NUP153: variants seen among roughly 807,000 people sequenced by gnomAD.
NUP153 encodes the protein nucleoporin 153, also known as nuclear pore complex protein Nup153.
NUP153 carries 27 observed loss-of-function variants against 134.6 expected under a neutral mutation model. The observed-to-expected ratio is 0.20, with a 90% CI of 0.15 to 0.28. NUP153 has a LOEUF of 0.28. Among genes scored for constraint, NUP153 ranks in the 10% least tolerant of loss-of-function variants. The pLI is 1.00. For synonymous variants in NUP153, 640 were observed against 623.5 expected (o/e 1.03, Z -0.40); for missense variants, 1,821 against 1,731.3 (o/e 1.05, Z -0.92).
chr6:17,687,434 T>C (rs976884871), intron 2 of NUP153, among the ~76,000 whole-genome samples: 16 of 152,222 alleles, frequency 1.1e-4, no homozygotes, highest in Admixed American at 2.6e-4. Context: ...GTTATATATT[T>C]AAAAGCAATC....
chr6:17,616,437 C>T (rs1386718744), intron 21 of NUP153, 90 bp downstream of exon 21: 17 of 1,141,808 alleles, frequency 1.5e-5, no homozygotes, highest in African/African-American at 9.4e-5. Flanking sequence ...CCAAACCATA[C>T]GGAATCTTGA....
At chr6:17,657,048 C>A (rs1454937338) in intron 11 of NUP153, among the ~76,000 whole-genome samples, 3 of 152,134 alleles carry the variant, frequency 2.0e-5, no homozygotes, top group Non-Finnish European at 4.4e-5. Flanking sequence ...CCACTGATTT[C>A]TTTAATTCTT....
At chr6:17,658,901 T>C (rs1178377971) in intron 11 of NUP153, among the ~76,000 whole-genome samples, 5 of 152,168 alleles carry the variant, frequency 3.3e-5, no homozygotes, top group Admixed American at 2.6e-4. Flanking sequence ...ATGGTCACTG[T>C]CTGGTGGTCT....
chr6:17,672,218 A>G (rs1767959653), intron 5 of NUP153, among the ~76,000 whole-genome samples: 1 of 144,882 alleles, frequency 6.9e-6, no homozygotes, highest in Non-Finnish European at 1.5e-5. Flanking sequence ...AGACACACAG[A>G]TCAATGGGTG....
intron 16 of NUP153, among the ~76,000 whole-genome samples, chr6:17,636,134 G>C (rs983985416): frequency 6.6e-6 from 1 of 152,174 alleles, no homozygotes; most frequent in African/African-American, 2.4e-5. Context: ...AGGAGTCCAA[G>C]ACCAGCCTGG....
chr6:17,697,412 G>A (rs571084431), intron 1 of NUP153, among the ~76,000 whole-genome samples: 3 of 152,264 alleles, frequency 2.0e-5, no homozygotes, highest in Non-Finnish European at 2.9e-5. Flanking sequence ...TGAGCTGGGC[G>A]CAGTGGCTCA....
chr6:17,641,168 T>A (rs979368825), intron 14 of NUP153, among the ~76,000 whole-genome samples: 1 of 152,210 alleles, frequency 6.6e-6, no homozygotes, highest in African/African-American at 2.4e-5. Flanking sequence ...TGTTTGGGAT[T>A]GTTGAAGAGT....
chr6:17,657,243 A>G (rs1222816122), intron 11 of NUP153, among the ~76,000 whole-genome samples: 2 of 151,942 alleles, frequency 1.3e-5, no homozygotes, highest in Non-Finnish European at 2.9e-5. Context: ...TGTCCGGTAT[A>G]CTAAAAATTA....
chr6:17,654,602 G>T (rs568523304), intron 11 of NUP153, among the ~76,000 whole-genome samples: 1 of 152,208 alleles, frequency 6.6e-6, no homozygotes, highest in South Asian at 2.1e-4. Flanking sequence ...TTACAGGCAT[G>T]AACCACCGCG....
chr6:17,668,900 A>G (rs1039765908), intron 8 of NUP153, 75 bp downstream of exon 8: 16 of 1,021,110 alleles, frequency 1.6e-5, no homozygotes, highest in Non-Finnish European at 2.2e-5. Flanking sequence ...ACTAAATCCA[A>G]TTTGTATACT....
At chr6:17,665,717 G>T (rs1767493410) in intron 8 of NUP153, among the ~76,000 whole-genome samples, 1 of 147,806 alleles carries the variant, frequency 6.8e-6, no homozygotes, top group Middle Eastern at 3.6e-3. Flanking sequence ...ACCTTTTACA[G>T]TTTTTTGTTT....
chr6:17,661,256 C>T (rs1471584300), intron 11 of NUP153, among the ~76,000 whole-genome samples: 1 of 152,078 alleles, frequency 6.6e-6, no homozygotes, highest in East Asian at 1.9e-4. Flanking sequence ...AGAGGTTGCA[C>T]TGAGCCGAGA....
chr6:17,683,042 A>G (rs1169903538), intron 2 of NUP153, among the ~76,000 whole-genome samples: 1 of 152,054 alleles, frequency 6.6e-6, no homozygotes, highest in African/African-American at 2.4e-5. Flanking sequence ...TCCACTTCTA[A>G]TTTTAGTTTT....
chr6:17,637,952 C>T (rs1765647483), intron 15 of NUP153, among the ~76,000 whole-genome samples, 182 bp from the exon 16 acceptor site: 1 of 152,182 alleles, frequency 6.6e-6, no homozygotes, highest in Non-Finnish European at 1.5e-5. Flanking sequence ...ATAAGTTACA[C>T]TTAAACCATT....
rs758208111 is a variant in NUP153 at position 17,647,891 on chromosome 6, A to C, written c.1548T>G (p.Ser516=). 1 of 1,611,528 alleles carries C rather than the reference A, an allele frequency of 6.2e-7. No homozygotes were observed. The highest frequency in any genetic ancestry group is 8.5e-7 in the Non-Finnish European group (1 of 1,178,314). The part of the protein sequence containing the change: ...QALTNKVQMT[S]PSSTGSPMFK... ...ACATGGGACTGCCAGTGCTGCTCGG[A>C]GAGGTCATTTGTACCTGGTTTTCCA... Residue 516 remains serine, a synonymous_variant, in exon 13 of 22, where the codon TCT becomes TCG. Coordinates refer to ENST00000262077, the MANE Select transcript of NUP153 (RefSeq NM_005124.4).
chr6:17,704,759 CT>C (rs368556628), intron 1 of NUP153, among the ~76,000 whole-genome samples: 233 of 145,584 alleles, frequency 1.6e-3, no homozygotes, highest in African/African-American at 4.7e-3. Context: ...CAAATCTTTA[CT>C]TTTTTTTTTT....
Position 17,616,089 on chromosome 6 carries a change from T to C in NUP153, c.*8A>G, listed in dbSNP as rs1764300246. The C allele has an allele frequency of 1.3e-6, 2 of 1,598,150 alleles. No homozygotes were observed. The highest frequency in any genetic ancestry group is 1.1e-5 in the South Asian group (1 of 90,766). ...TTGTTAAAATTGAGTACAACACCAA[T>C]GTGACCTTTATTTCCTGCGTCTAAC... On this transcript the variant is annotated 3_prime_UTR_variant, in exon 22 of 22. Transcript: ENST00000262077.
At position 17,686,429 on chromosome 6, in the gene NUP153, G is replaced by A. The variant is rs199503991; in HGVS notation, c.334+1967C>T. ...TTTTTTTTTTTTGAGACGGAGTCTC[G>A]CTGTCGCCCAGGCTGGAGTGCAGTG... On this transcript the variant is annotated intron_variant, in intron 2 of 21. Transcript: ENST00000262077. Among the ~76,000 whole-genome samples, 8 of 149,546 alleles carry A rather than the reference G, an allele frequency of 5.3e-5. No homozygotes were observed. The East Asian group carries it at 7.9e-4, about 15-fold the overall frequency.
chr6:17,658,806 T>C (rs1186394942), intron 11 of NUP153, among the ~76,000 whole-genome samples: 1 of 152,150 alleles, frequency 6.6e-6, no homozygotes, highest in Non-Finnish European at 1.5e-5. Flanking sequence ...TTTTATACGA[T>C]AACCGGTTAC....
Sources: gnomAD v4.1 joint callset for allele counts (sites outside exome capture counted in the v4.1 genomes callset) on GRCh38, gnomAD v4.1.1 for gene constraint, MANE v1.5 for transcripts, NCBI Gene and HGNC (gene_info 2026-07-23, HGNC 2026-07-21) for gene names.